The following IL16 variants were observed in gnomAD, a reference collection of about 807,000 sequenced individuals.
The protein encoded by IL16 is interleukin 16, also known as pro-interleukin-16.
In IL16, 67 loss-of-function variants were observed where a neutral mutation model predicts 110.1. The observed-to-expected ratio is 0.61, with a 90% CI of 0.50 to 0.75. The LOEUF (loss-of-function observed/expected upper bound fraction) is 0.75. IL16 is among the 30% of genes least tolerant of loss of function. IL16 has a pLI of 0.00. For missense variants in IL16, 1,545 were observed against 1,655.0 expected, an observed-to-expected ratio of 0.93 and a Z score of 1.15; for synonymous variants, 689 against 662.9, an observed-to-expected ratio of 1.04 and a Z score of -0.61.
intron 5 of IL16, among the ~76,000 whole-genome samples, chr15:81,272,202 C>T (rs893076317): frequency 5.3e-5 from 8 of 152,358 alleles, no homozygotes; most frequent in Non-Finnish European, 1.2e-4. Context: ...AAGCTATGCC[C>T]TCTAGGGCGG....
upstream of IL16, among the ~76,000 whole-genome samples, chr15:81,192,609 AAAAC>A (rs575230516): frequency 2.0e-5 from 3 of 152,222 alleles, no homozygotes; most frequent in Non-Finnish European, 2.9e-5. Flanking sequence ...TGCTGTCTCA[AAAAC>A]AAACAAACAA....
At chr15:81,292,424 CCA>C (rs757684309) in intron 11 of IL16, 130 bp from the exon 12 acceptor site, 3 of 1,329,734 alleles carry the variant, frequency 2.3e-6, no homozygotes, top group Non-Finnish European at 3.2e-6. Context: ...TACTCCAGAT[CCA>C]CAGTGACTTC....
Position 81,292,620 on chromosome 15 carries a change from C to T in IL16, c.1485C>T (p.Asn495=). The T allele has an allele frequency of 6.2e-7, 1 of 1,609,728 alleles. No individual in the cohort carries two copies. The highest frequency in any genetic ancestry group is 8.5e-7 in the Non-Finnish European group (1 of 1,176,426). Reference sequence around the variant, plus strand: ...CCTTGGAGAAGGAACGAGAGAAGAACTCAGCACCCCCGCATCGCAGGGCTC... The same window carrying T: ...CCTTGGAGAAGGAACGAGAGAAGAATTCAGCACCCCCGCATCGCAGGGCTC... ...RPTLEKEREK[N]SAPPHRRAQK... The change falls in exon 12 of 19, where the codon AAC becomes AAT. Residue 495 remains asparagine (N), a synonymous_variant. Transcript: ENST00000683961.
intron 1 of IL16, among the ~76,000 whole-genome samples, chr15:81,222,596 C>CT (rs59186294): frequency 0.16 from 25,034 of 151,904 alleles, 4,729 homozygotes; most frequent in African/African-American, 0.46. Context: ...GGCAGCCTCT[C>CT]TACATGGTCG....
chr15:81,232,042 G>GTTT lies in IL16; in HGVS notation c.312+6353_312+6355dup. ...ATGTAAGTCCTCCACATTTGTTCTT[G>GTTT]TTTTTTTTTTTTTTTTTTTTTTTTC... On this transcript the variant is annotated intron_variant, in intron 2 of 18. Transcript: ENST00000683961. 2.8e-3 allele frequency among the ~76,000 whole-genome samples: 163 copies of GTTT among 57,626 alleles called. 3 individuals carry two copies. The highest frequency in any genetic ancestry group is 4.6e-3 in the South Asian group (8 of 1,726). The allele number at this position is 57,626 out of a possible 152,430, so 37.8% of individuals were successfully genotyped here. A position where few individuals can be genotyped will look rare whatever the true frequency, so the allele number is the denominator to read the frequency against.
intron 16 of IL16, among the ~76,000 whole-genome samples, chr15:81,305,086 A>G (rs1440132816): frequency 6.6e-6 from 1 of 152,242 alleles, no homozygotes; most frequent in Non-Finnish European, 1.5e-5. Context: ...TAGACTGCCT[A>G]GGAGAGTGTT....
At chr15:81,269,465 T>TC in intron 4 of IL16, 73 bp from the exon 5 acceptor site, 1 of 1,017,748 alleles carries the variant, frequency 9.8e-7, no homozygotes. Context: ...GCTGGGCTTT[T>TC]CCCCTTCCTT....
At chr15:81,266,712 G>A (rs1898398500) in intron 4 of IL16, among the ~76,000 whole-genome samples, 1 of 152,164 alleles carries the variant, frequency 6.6e-6, no homozygotes, top group Non-Finnish European at 1.5e-5. Flanking sequence ...GAAAGCTCCT[G>A]ATCTCTCCAA....
intron 2 of IL16, among the ~76,000 whole-genome samples, chr15:81,231,281 G>C (rs1896961710): frequency 6.8e-6 from 1 of 148,046 alleles, no homozygotes; most frequent in African/African-American, 2.5e-5. Context: ...GGAGACCAGA[G>C]GAGAGGAGGG....
chr15:81,226,678 T>G (rs1896799404), intron 2 of IL16, among the ~76,000 whole-genome samples: 2 of 152,210 alleles, frequency 1.3e-5, no homozygotes, highest in Non-Finnish European at 2.9e-5. Context: ...CACAGCATCC[T>G]TAAGAGCCTC....
intron 2 of IL16, among the ~76,000 whole-genome samples, chr15:81,233,938 C>A (rs72744156): frequency 6.6e-5 from 10 of 151,738 alleles, no homozygotes; most frequent in Non-Finnish European, 1.2e-4. Context: ...CAATTTTTGC[C>A]TTATATATTT....
At chr15:81,207,885 A>G (rs1259816318) in intron 1 of IL16, among the ~76,000 whole-genome samples, 1 of 149,336 alleles carries the variant, frequency 6.7e-6, no homozygotes, top group African/African-American at 2.5e-5. Flanking sequence ...TTCTTTGGGT[A>G]TATATGCAGT....
chr15:81,197,291 G>C (rs879591852), intron 1 of IL16, 139 bp downstream of exon 1: 17 of 441,602 alleles, frequency 3.8e-5, no homozygotes, highest in African/African-American at 3.5e-4. Context: ...CTGGGGTCAG[G>C]GGCAGGAGCA....
chr15:81,194,965 C>T (rs769094392), upstream of IL16, among the ~76,000 whole-genome samples: 3 of 152,104 alleles, frequency 2.0e-5, no homozygotes, highest in Non-Finnish European at 2.9e-5. Flanking sequence ...GTCTTCCTCC[C>T]CGTCTCTTCT....
Position 81,306,705 on chromosome 15 carries a change from T to C in IL16, c.3805+160T>C, listed in dbSNP as rs775280026. ...TTTTAGGGCTCAATTCTGCTTTTTC[T>C]ACTTTTTCTCCTTTGCTCAGACATC... On this transcript the variant is annotated intron_variant, in intron 18 of 18. Transcript: ENST00000683961. 27 of 856,994 alleles carry C rather than the reference T, an allele frequency of 3.2e-5. No homozygotes were observed. The South Asian group carries it at 3.6e-4, about 12-fold the overall frequency. 53.1% of individuals were successfully genotyped at this position (856,994 alleles called of 1,614,324 possible).
chr15:81,185,293 T>TATACAAAGA (rs1043823458), intron 1 of IL16, among the ~76,000 whole-genome samples: 2 of 152,182 alleles, frequency 1.3e-5, no homozygotes, highest in African/African-American at 4.8e-5. Context: ...TACTTTTCAA[T>TATACAAAGA]ATACAAAGAG....
At chr15:81,301,291 T>C in intron 14 of IL16, 53 bp from the exon 15 acceptor site, 1 of 1,495,646 alleles carries the variant, frequency 6.7e-7, no homozygotes, top group South Asian at 1.3e-5. Flanking sequence ...CAATCACTGT[T>C]ACCTCTTTTT....
At chr15:81,249,692 A>G (rs1360843964) in intron 2 of IL16, among the ~76,000 whole-genome samples, 1 of 151,686 alleles carries the variant, frequency 6.6e-6, no homozygotes, top group Non-Finnish European at 1.5e-5. Context: ...CTTATTTGGG[A>G]TTTGTTGGGT....
Position 81,305,926 on chromosome 15 carries a change from A to G in IL16, c.3439A>G (p.Asn1147Asp). The G allele has an allele frequency of 1.2e-6, 2 of 1,614,126 alleles. No individual in the cohort carries two copies. The highest frequency in any genetic ancestry group is 1.7e-6 in the Non-Finnish European group (2 of 1,180,018). ...TGCTCAGGTTCACAGAGTGTTTCCAAATGGGCTGGCCTCCCAGGAAGGGAC... is the reference window on the plus strand; with the variant it reads ...TGCTCAGGTTCACAGAGTGTTTCCAGATGGGCTGGCCTCCCAGGAAGGGAC... ...KVITVHRVFPNGLASQEGTIQ... is the reference protein window; with the variant it reads ...KVITVHRVFPDGLASQEGTIQ... Residue 1147 changes from asparagine (N) to aspartate (D), a missense_variant, in exon 17 of 19, where the codon AAT (asparagine) becomes GAT (aspartate). Around this residue, in one of 3 missense-constraint regions of IL16, gnomAD observed 356 missense variants for 399.3 expected, o/e 0.89. Coordinates refer to ENST00000683961, the MANE Select transcript of IL16 (RefSeq NM_172217.5).
Sources: allele counts gnomAD v4.1 joint callset (sites outside exome capture counted in the v4.1 genomes callset), GRCh38; gene constraint gnomAD v4.1.1; regional missense constraint gnomAD v4.1.1; transcripts MANE v1.5; gene names NCBI Gene and HGNC (gene_info 2026-07-23, HGNC 2026-07-21).